Variants in RORA observed in about 807,000 individuals in gnomAD.
The protein encoded by RORA is RAR related orphan receptor A.
Under a neutral mutation model 69.5 loss-of-function variants are expected in RORA, and 7 were observed. That is an observed-to-expected ratio of 0.10 (90% CI 0.06 to 0.19). RORA has a LOEUF of 0.19. Ranked by LOEUF, RORA falls within the 10% of genes least tolerant of loss-of-function variation. RORA has a pLI of 1.00. For missense variants in RORA, 457 were observed against 663.0 expected (o/e 0.69, Z 3.41); for synonymous variants, 261 against 240.8 (o/e 1.08, Z -0.78).
At chr15:61,108,212 A>T (rs1412546459) in intron 1 of RORA, among the ~76,000 whole-genome samples, 4 of 152,194 alleles carry the variant, frequency 2.6e-5, no homozygotes, top group Non-Finnish European at 5.9e-5. Context: ...ATCTTGAACC[A>T]GTCAGAAAAT....
rs1019433202 is a variant in RORA at position 60,494,974 on chromosome 15, T to C, written c.*2481A>G. 24 of 152,346 alleles carry C rather than the reference T, an allele frequency of 1.6e-4. No individual in the cohort carries two copies. The highest frequency in any genetic ancestry group is 3.1e-4 in the Non-Finnish European group (21 of 68,036). The allele number at this position is 152,346 out of a possible 1,614,324, so 9.4% of individuals were successfully genotyped here. On this transcript the variant is annotated 3_prime_UTR_variant, in exon 11 of 11. Coordinates refer to ENST00000335670, the MANE Select transcript of RORA (RefSeq NM_134261.3). The stretch of plus-strand genomic sequence containing the variant: ...CGACACTGGAATTAGGTTTAGTTGC[T>C]CTTTAATGCGCTAGCACCTGAGGCT...
intron 1 of RORA, among the ~76,000 whole-genome samples, chr15:61,091,257 G>A (rs1020742040): frequency 2.6e-5 from 4 of 152,166 alleles, no homozygotes; most frequent in Non-Finnish European, 5.9e-5. Flanking sequence ...GCTGCTATGT[G>A]TCAGAGCTCT....
intron 1 of RORA, among the ~76,000 whole-genome samples, chr15:61,133,857 G>A (rs940222712): frequency 1.3e-5 from 2 of 152,080 alleles, no homozygotes; most frequent in Non-Finnish European, 2.9e-5. Context: ...GCATCATCAG[G>A]CTCAATGAAA....
chr15:60,847,621 T>A (rs2073280110), intron 1 of RORA: 1 of 151,720 alleles, frequency 6.6e-6, no homozygotes. Flanking sequence ...ATATGGCCAG[T>A]CCAAATTGAG....
chr15:60,726,918 A>T (rs2071364858), intron 1 of RORA, among the ~76,000 whole-genome samples: 2 of 152,218 alleles, frequency 1.3e-5, no homozygotes, highest in African/African-American at 4.8e-5. Flanking sequence ...CTCAATAGAA[A>T]GAACACTAAT....
intron 1 of RORA, among the ~76,000 whole-genome samples, chr15:60,968,322 G>C (rs1483920172): frequency 6.6e-6 from 1 of 152,184 alleles, no homozygotes; most frequent in Non-Finnish European, 1.5e-5. Flanking sequence ...TTAAACATAC[G>C]CATGCACCAA....
chr15:60,551,828 G>C (rs1207622667), intron 2 of RORA, among the ~76,000 whole-genome samples: 2 of 152,192 alleles, frequency 1.3e-5, no homozygotes, highest in Non-Finnish European at 2.9e-5. Flanking sequence ...CCAAGCTTGG[G>C]CAAGACCAAG....
At chr15:61,078,329 C>CTGTGTGTGTGTG (rs56676588) in intron 1 of RORA, among the ~76,000 whole-genome samples, 3,811 of 133,164 alleles carry the variant, frequency 0.029, 104 homozygotes, top group East Asian at 0.064. Flanking sequence ...ACACCTGGCT[C>CTGTGTGTGTGTG]TGTGTGTGTG....
chr15:61,182,861 C>T (rs562991508), intron 1 of RORA: 2 of 152,348 alleles, frequency 1.3e-5, no homozygotes, highest in African/African-American at 4.8e-5. Context: ...CACAGGCTCC[C>T]TTTAACCAGG....
intron 2 of RORA, among the ~76,000 whole-genome samples, chr15:60,612,659 CTGTTT>C (rs1182568709): frequency 0.018 from 2,075 of 117,100 alleles, 18 homozygotes; most frequent in Middle Eastern, 0.028. Context: ...CTCTCTCTCT[CTGTTT>C]TTTTTTTTTT....
chr15:61,046,994 C>A (rs1454654722), intron 1 of RORA, among the ~76,000 whole-genome samples: 1 of 152,244 alleles, frequency 6.6e-6, no homozygotes, highest in Non-Finnish European at 1.5e-5. Context: ...CCTCGGAGTT[C>A]TCAACCGCTG....
At chr15:60,851,822 C>G (rs1454171300) in intron 1 of RORA, among the ~76,000 whole-genome samples, 1 of 150,842 alleles carries the variant, frequency 6.6e-6, no homozygotes, top group Non-Finnish European at 1.5e-5. Flanking sequence ...CAGCTTTTGT[C>G]AAAAAGCTTA....
intron 1 of RORA, among the ~76,000 whole-genome samples, chr15:61,071,210 A>C (rs540284035): frequency 3.8e-5 from 3 of 79,370 alleles, no homozygotes; most frequent in South Asian, 1.1e-3. Context: ...CTTGGATTTG[A>C]AAAAGGGGAG....
chr15:60,702,072 A>C (rs1452198927), intron 1 of RORA, among the ~76,000 whole-genome samples: 1 of 152,200 alleles, frequency 6.6e-6, no homozygotes, highest in Non-Finnish European at 1.5e-5. Flanking sequence ...TATAGCTGAG[A>C]GCACAGGCAG....
intron 2 of RORA, among the ~76,000 whole-genome samples, chr15:60,634,132 G>T (rs2069792082): frequency 6.6e-6 from 1 of 152,140 alleles, no homozygotes; most frequent in South Asian, 2.1e-4. Context: ...TCTGGGTGGG[G>T]TCTTTTTAAT....
intron 2 of RORA, among the ~76,000 whole-genome samples, chr15:60,609,806 G>A (rs2069041750): frequency 6.6e-6 from 1 of 152,212 alleles, no homozygotes; most frequent in African/African-American, 2.4e-5. Flanking sequence ...GGACAGAGAA[G>A]TGAGGGAATG....
At chr15:60,849,124 A>G (rs961563158) in intron 1 of RORA, 1 of 152,286 alleles carries the variant, frequency 6.6e-6, no homozygotes, top group Non-Finnish European at 1.5e-5. Context: ...CTTTGCTGCT[A>G]TCAGACTGTT....
intron 1 of RORA, among the ~76,000 whole-genome samples, chr15:60,913,269 G>C (rs1031583712): frequency 6.6e-6 from 1 of 152,130 alleles, no homozygotes; most frequent in Non-Finnish European, 1.5e-5. Flanking sequence ...TCCCTGCCAT[G>C]TCCATAGCCT....
intron 1 of RORA, among the ~76,000 whole-genome samples, chr15:60,889,357 G>GCAT (rs1162350634): frequency 6.7e-6 from 1 of 148,430 alleles, no homozygotes; most frequent in African/African-American, 2.4e-5. Context: ...GGGCGGGGGG[G>GCAT]GGGGGAAGGA....
Sources: allele counts gnomAD v4.1 joint callset (sites outside exome capture counted in the v4.1 genomes callset), GRCh38; gene constraint gnomAD v4.1.1; transcripts MANE v1.5; gene names NCBI Gene and HGNC (gene_info 2026-07-23, HGNC 2026-07-21).